NOTCH3: variants seen among roughly 807,000 people sequenced by gnomAD.
The protein encoded by NOTCH3 is notch receptor 3.
In NOTCH3, 86 loss-of-function variants were observed where a neutral mutation model predicts 213.3. The observed-to-expected ratio is 0.40, with a 90% CI of 0.34 to 0.48. NOTCH3 has a LOEUF of 0.48. NOTCH3 is among the 20% of genes least tolerant of loss of function. NOTCH3 has a pLI of 0.57. For synonymous variants in NOTCH3, 1,354 were observed against 1,355.9 expected, an observed-to-expected ratio of 1.00 and a Z score of 0.03; for missense variants, 2,783 against 3,272.6, an observed-to-expected ratio of 0.85 and a Z score of 3.65.
At position 15,192,413 on chromosome 19, in the gene NOTCH3, C is replaced by T. The variant is rs753596637; in HGVS notation, c.304G>A (p.Ala102Thr). 19 of 1,612,212 alleles carry T rather than the reference C, an allele frequency of 1.2e-5. No individual in the cohort carries two copies. The highest frequency in any genetic ancestry group is 3.3e-5 in the South Asian group (3 of 91,078). ...CGGGGGCACCGGCATGAGAATCGGG[C>T]GGTGCCAGCCACCACTGAACTCTGG... Reference protein sequence around the residue: ...VCQSSVVAGTARFSCRCPRGF... With the variant: ...VCQSSVVAGTTRFSCRCPRGF... Residue 102 changes from alanine (A) to threonine (T), a missense_variant, in exon 3 of 33, where the codon GCC (alanine) becomes ACC (threonine). By Grantham distance (58) the Ala-to-Thr change is moderately conservative (BLOSUM62 0). This residue lies in a region of NOTCH3 where 708 missense variants were observed against 906.6 expected (regional missense o/e 0.78). Transcript: ENST00000263388.
chr19:15,188,006 A>C lies in NOTCH3; in HGVS notation c.1493-12T>G, dbSNP rs2046897969. 9 of 1,546,612 alleles carry C rather than the reference A, an allele frequency of 5.8e-6. No individual in the cohort carries two copies. In the South Asian group the frequency reaches 1.1e-4, roughly 18 times the overall value. ...GGAGCCGCTGAAGCCTGGGGTGGGG[A>C]GTGGGATGAGCAGAGGCCCAGAAAG... On this transcript the variant is annotated splice_polypyrimidine_tract_variant and intron_variant, in intron 9 of 32. Transcript: ENST00000263388.
chr19:15,195,854 C>G (rs1183867679), intron 2 of NOTCH3, among the ~76,000 whole-genome samples: 1 of 151,724 alleles, frequency 6.6e-6, no homozygotes, highest in African/African-American at 2.4e-5. Flanking sequence ...GCCGACCGGT[C>G]GGGCCGGTTC....
At chr19:15,192,786 G>A (rs1337807529) in intron 2 of NOTCH3, among the ~76,000 whole-genome samples, 4 of 152,094 alleles carry the variant, frequency 2.6e-5, no homozygotes, top group Admixed American at 6.6e-5. Context: ...ATAGTGGTGC[G>A]TGCCTGTAGT....
chr19:15,184,096 C>T (rs970559138), intron 16 of NOTCH3, among the ~76,000 whole-genome samples, 199 bp downstream of exon 16: 2 of 150,766 alleles, frequency 1.3e-5, no homozygotes, highest in African/African-American at 4.9e-5. Flanking sequence ...AGGTTCTAAG[C>T]CCAGCTCATT....
At position 15,167,265 on chromosome 19, in the gene NOTCH3, G is replaced by T; in HGVS notation, c.5346C>A (p.Val1782=). 6.2e-7 allele frequency: 1 copy of T among 1,612,990 alleles called. No individual in the cohort carries two copies. The highest frequency in any genetic ancestry group is 8.5e-7 in the Non-Finnish European group (1 of 1,179,262). ...QGDADADGMD[V]NVRGPDGFTP... is the part of the protein sequence containing the mutation. ...GTCACTAACCTGGGCCACGCACATT[G>T]ACATCCATGCCATCAGCATCTGCGT... is the stretch of plus-strand genomic sequence containing the variant. Residue 1782 remains valine (V), a synonymous_variant, in exon 29 of 33, where the codon GTC becomes GTA. Transcript: ENST00000263388.
chr19:15,166,837 C>A (rs1218672910), intron 29 of NOTCH3, among the ~76,000 whole-genome samples: 1 of 152,200 alleles, frequency 6.6e-6, no homozygotes, highest in Non-Finnish European at 1.5e-5. Context: ...AGCTCAAAGA[C>A]AGGTATGTGA....
At chr19:15,183,964 GC>G (rs1305474015) in intron 16 of NOTCH3, among the ~76,000 whole-genome samples, 4 of 144,022 alleles carry the variant, frequency 2.8e-5, no homozygotes, top group Non-Finnish European at 6.0e-5. Flanking sequence ...AGGTGCTTGA[GC>G]CCAGAAGGCA....
In NOTCH3 at chr19:15,165,610, C is replaced by A; in HGVS notation, c.5668-95G>T. ...CCCATGAAGTCCCCAACCCCCATAC[C>A]CCAACCCCTGAAATTGGTGAGGTTC... On this transcript the variant is annotated intron_variant, in intron 30 of 32. Coordinates refer to ENST00000263388, the MANE Select transcript of NOTCH3 (RefSeq NM_000435.3). This position sits in a 1 kb window ranked among gnomAD's most constrained non-coding sequence, Gnocchi z 4.7. The A allele has an allele frequency of 7.2e-7, 1 of 1,386,242 alleles. No individual in the cohort carries two copies. Among genetic ancestry groups the A allele is most frequent in the Non-Finnish European group, 9.9e-7 (1 of 1,014,498 alleles). 85.9% of individuals were successfully genotyped at this position (1,386,242 alleles called of 1,614,324 possible).
Position 15,187,351 on chromosome 19 carries a change from G to C in NOTCH3, c.1607-13C>G. 2 of 1,610,614 alleles carry C rather than the reference G, an allele frequency of 1.2e-6. No individual in the cohort carries two copies. Among genetic ancestry groups the C allele is most frequent in the Non-Finnish European group, 1.7e-6 (2 of 1,178,488 alleles). Reference sequence around the variant, plus strand: ...GTGCCCTCAAAGCCTGTGGGGCCAAGAGGGTCAGGCTCCGCCCACTTGCCA... The same window carrying C: ...GTGCCCTCAAAGCCTGTGGGGCCAACAGGGTCAGGCTCCGCCCACTTGCCA... On this transcript the variant is annotated splice_polypyrimidine_tract_variant and intron_variant, in intron 10 of 32. Transcript: ENST00000263388.
At position 15,179,039 on chromosome 19, in the gene NOTCH3, T is replaced by A. The variant is rs55882518; in HGVS notation, c.3704A>T (p.His1235Leu). 9,177 of 1,614,210 alleles carry A rather than the reference T, an allele frequency of 5.7e-3. 37 individuals carry two copies. The highest frequency in any genetic ancestry group is 6.7e-3 in the Non-Finnish European group (7,955 of 1,180,042). Reference sequence around the variant, plus strand: ...CCAACGCTTACCTGAGAAGCCAGCATGACAAAGGCAACGGAAACCTCCGCC... The same window carrying A: ...CCAACGCTTACCTGAGAAGCCAGCAAGACAAAGGCAACGGAAACCTCCGCC... The part of the protein sequence containing the change: ...DPGGGFRCLC[H>L]AGFSGPRCQT... The change falls in exon 22 of 33, where the codon CAT becomes CTT. Residue 1235 changes from histidine to leucine, a missense_variant. Transcript: ENST00000263388.
chr19:15,169,996 T>C, intron 28 of NOTCH3, 90 bp downstream of exon 28: 1 of 733,020 alleles, frequency 1.4e-6, no homozygotes, highest in Non-Finnish European at 2.4e-6. Flanking sequence ...TGCCATCCCC[T>C]GATCACGCCC....
chr19:15,171,221 T>A (rs2046731440), intron 25 of NOTCH3, among the ~76,000 whole-genome samples: 1 of 151,998 alleles, frequency 6.6e-6, no homozygotes, highest in African/African-American at 2.4e-5. Flanking sequence ...AGAGACGGGG[T>A]TTCACCACGT....
Position 15,167,410 on chromosome 19 carries a change from ACC to A in NOTCH3, c.5200-1_5200del, listed in dbSNP as rs1377337674. On this transcript the variant is annotated splice_acceptor_variant and coding_sequence_variant, in exon 29 of 33. Coordinates refer to ENST00000263388, the MANE Select transcript of NOTCH3 (RefSeq NM_000435.3). LOFTEE classifies it high-confidence loss of function. The stretch of plus-strand genomic sequence containing the variant: ...CTCAGCCCCCATGCCTGGCTCCTCT[ACC>A]TGGAGGGGCAGGCACCCTGGATCTC... 4 of 1,604,068 alleles carry A rather than the reference ACC, an allele frequency of 2.5e-6. No homozygotes were observed. Among genetic ancestry groups the A allele is most frequent in the Non-Finnish European group, 3.4e-6 (4 of 1,179,932 alleles).
chr19:15,174,001 A>G, intron 25 of NOTCH3, 67 bp downstream of exon 25: 2 of 1,346,260 alleles, frequency 1.5e-6, no homozygotes, highest in Non-Finnish European at 2.0e-6. Context: ...TGAAACACAC[A>G]AGACCTGGAT....
At position 15,174,152 on chromosome 19, in the gene NOTCH3, C is replaced by A. The variant is rs1470429510; in HGVS notation, c.4652G>T (p.Gly1551Val). The change falls in exon 25 of 33, where the codon GGC (glycine) becomes GTC (valine). Residue 1551 changes from glycine to valine, a missense_variant. Coordinates refer to ENST00000263388, the MANE Select transcript of NOTCH3 (RefSeq NM_000435.3). ...GTGGTAAGGGAAGACCATGGCCTGG[C>A]CGTGCGCGTCCAGGCGGAAGCGCAG... ...TSLRFRLDAH[G>V]QAMVFPYHRP... 1 of 1,609,360 alleles carries A rather than the reference C, an allele frequency of 6.2e-7. No individual in the cohort carries two copies. Among genetic ancestry groups the A allele is most frequent in the Non-Finnish European group, 8.5e-7 (1 of 1,179,002 alleles).
At chr19:15,199,033 C>G (rs184408855) in intron 1 of NOTCH3, among the ~76,000 whole-genome samples, 1 of 152,176 alleles carries the variant, frequency 6.6e-6, no homozygotes, top group African/African-American at 2.4e-5. Flanking sequence ...CAGGACAAGC[C>G]GACTGGACAC....
In NOTCH3 at chr19:15,200,344, C is replaced by G. The variant is rs958568443; in HGVS notation, c.118+444G>C. Among the ~76,000 whole-genome samples the G allele has an allele frequency of 2.4e-4, 36 of 151,070 alleles. No individual in the cohort carries two copies. The East Asian group carries it at 4.4e-3, about 18-fold the overall frequency. On this transcript the variant is annotated intron_variant, in intron 1 of 32. Coordinates refer to ENST00000263388, the MANE Select transcript of NOTCH3 (RefSeq NM_000435.3). ...AACTTCGCGCCCCCTCCCCACCCCC[C>G]GCCTGGCCCAGCCCGCCCGGGGTGT... is the stretch of plus-strand genomic sequence containing the variant.
intron 6 of NOTCH3, among the ~76,000 whole-genome samples, chr19:15,190,049 T>C (rs1312157441): frequency 6.6e-6 from 1 of 151,826 alleles, no homozygotes; most frequent in Non-Finnish European, 1.5e-5. Context: ...CCAAGGTGAG[T>C]GCATCGCTTG....
intron 6 of NOTCH3, among the ~76,000 whole-genome samples, chr19:15,189,869 A>G (rs559162951): frequency 6.6e-6 from 1 of 152,276 alleles, no homozygotes; most frequent in Admixed American, 6.5e-5. Context: ...TTTTTAATCC[A>G]TTTATTATGA....
Sources: allele counts gnomAD v4.1 joint callset (sites outside exome capture counted in the v4.1 genomes callset), GRCh38; gene constraint gnomAD v4.1.1; regional missense constraint gnomAD v4.1.1; non-coding constraint Gnocchi (gnomAD v3.1); transcripts MANE v1.5; gene names NCBI Gene and HGNC (gene_info 2026-07-23, HGNC 2026-07-21).